Variants in SYNJ1 observed in about 807,000 individuals in gnomAD.
SYNJ1 encodes polyphosphatidylinositol phosphatase SYNJ1.
Under a neutral mutation model 168.2 loss-of-function variants are expected in SYNJ1, and 78 were observed. The observed-to-expected ratio is 0.46, with a 90% CI of 0.39 to 0.56. SYNJ1 has a LOEUF of 0.56. SYNJ1 is among the 20% of genes least tolerant of loss of function. The pLI, the probability that SYNJ1 is intolerant of heterozygous loss-of-function variation, is 0.00. For missense variants in SYNJ1, 1,303 were observed against 1,597.6 expected (o/e 0.82, Z 3.14); for synonymous variants, 539 against 548.6 (o/e 0.98, Z 0.24).
chr21:32,634,811 T>C, intron 32 of SYNJ1, 50 bp downstream of exon 32: 2 of 1,592,982 alleles, frequency 1.3e-6, no homozygotes, highest in South Asian at 1.1e-5. Flanking sequence ...ATACATCTAA[T>C]GTGTTGAGAC....
chr21:32,658,500 C>T (rs1191528266), intron 18 of SYNJ1: 1 of 152,302 alleles, frequency 6.6e-6, no homozygotes, highest in Non-Finnish European at 1.5e-5. Flanking sequence ...TGACCTCATT[C>T]CTCCTGGACA....
At chr21:32,723,026 A>C (rs1024541995) in intron 2 of SYNJ1, among the ~76,000 whole-genome samples, 2 of 152,240 alleles carry the variant, frequency 1.3e-5, no homozygotes, top group African/African-American at 4.8e-5. Flanking sequence ...ATTATATCAG[A>C]ATATCCAGGG....
Position 32,639,731 on chromosome 21 carries a change from G to T in SYNJ1, c.3637C>A (p.Arg1213=). The change falls in exon 30 of 33, where the codon CGG becomes AGG. Residue 1213 remains arginine (R), a synonymous_variant. Coordinates refer to ENST00000674351, the MANE Select transcript of SYNJ1 (RefSeq NM_203446.3). ...GVISAPQSHA[R]ASAGRLTPES... ...GGAGTCAGTCTTCCAGCAGATGCCC[G>T]CGCGTGGCTCTGTGGGGCACTGATA... The T allele has an allele frequency of 6.2e-7, 1 of 1,614,096 alleles. No individual in the cohort carries two copies. The highest frequency in any genetic ancestry group is 8.5e-7 in the Non-Finnish European group (1 of 1,180,016).
At chr21:32,692,205 G>A (rs563128448) in intron 6 of SYNJ1, among the ~76,000 whole-genome samples, 1 of 152,182 alleles carries the variant, frequency 6.6e-6, no homozygotes, top group East Asian at 1.9e-4. Context: ...GGTCAGGACT[G>A]GCTGCTTCAT....
chr21:32,672,270 T>G (rs2041234454), intron 14 of SYNJ1, among the ~76,000 whole-genome samples: 1 of 151,886 alleles, frequency 6.6e-6, no homozygotes, highest in African/African-American at 2.4e-5. Flanking sequence ...AAAAAGGAAT[T>G]AAAGTTAATT....
intron 4 of SYNJ1, among the ~76,000 whole-genome samples, chr21:32,696,992 A>G (rs1242731270): frequency 3.3e-5 from 5 of 152,230 alleles, no homozygotes; most frequent in Non-Finnish European, 5.9e-5. Context: ...AGTATGTCCA[A>G]CCACCACAGC....
chr21:32,687,854 C>T (rs754912514), intron 7 of SYNJ1, among the ~76,000 whole-genome samples: 5 of 151,944 alleles, frequency 3.3e-5, no homozygotes, highest in Non-Finnish European at 5.9e-5. Flanking sequence ...TCCACATGGC[C>T]GACTGTGGGA....
chr21:32,721,126 G>A (rs1371560356), intron 2 of SYNJ1, among the ~76,000 whole-genome samples: 1 of 152,160 alleles, frequency 6.6e-6, no homozygotes, highest in Non-Finnish European at 1.5e-5. Flanking sequence ...CATCACACAA[G>A]CTGCTTAAAC....
chr21:32,645,880 A>C (rs2040044625), intron 24 of SYNJ1, 91 bp from the exon 25 acceptor site: 5 of 1,497,976 alleles, frequency 3.3e-6, no homozygotes, highest in Middle Eastern at 1.7e-4. Flanking sequence ...AATGTTCTAT[A>C]AAATGTGCAC....
At position 32,695,656 on chromosome 21, in the gene SYNJ1, TTTA is replaced by T. The variant is rs528494508; in HGVS notation, c.480-377_480-375del. Among the ~76,000 whole-genome samples the T allele has an allele frequency of 7.9e-4, 119 of 150,302 alleles. 1 individual carries two copies. In the South Asian group the frequency reaches 0.016, roughly 20 times the overall value. On this transcript the variant is annotated intron_variant, in intron 4 of 32. Transcript: ENST00000674351. ...AAATATTTATTTATTTATTTATTTA[TTTA>T]TTTATTTATTTATTTATTTTTGAGA...
At chr21:32,704,596 G>T (rs979764983) in intron 2 of SYNJ1, among the ~76,000 whole-genome samples, 1 of 152,176 alleles carries the variant, frequency 6.6e-6, no homozygotes, top group Admixed American at 6.5e-5. Flanking sequence ...TGACTAGGGT[G>T]AGGAGAGGAC....
upstream of SYNJ1, chr21:32,728,248 T>C: frequency 1.7e-6 from 1 of 577,796 alleles, no homozygotes; most frequent in South Asian, 2.1e-5. Context: ...AGGGAAGATC[T>C]GGCCTCCTTG....
chr21:32,708,740 T>C (rs1179476180), intron 2 of SYNJ1, among the ~76,000 whole-genome samples: 1 of 152,132 alleles, frequency 6.6e-6, no homozygotes, highest in Non-Finnish European at 1.5e-5. Flanking sequence ...CCATCTTTCA[T>C]TCATACCTTT....
At chr21:32,710,715 G>A (rs1374034126) in intron 2 of SYNJ1, among the ~76,000 whole-genome samples, 3 of 152,038 alleles carry the variant, frequency 2.0e-5, no homozygotes, top group Non-Finnish European at 4.4e-5. Context: ...AAACTTCAAA[G>A]GGACTTGTAA....
rs142037811 is a variant in SYNJ1, at chr21:32,688,912, T to C, written c.790-545A>G. ...GTTGAATATTCTATTCACACCAAAG[T>C]TCCACCAAATTGAGAATATCATTCC... is the stretch of plus-strand genomic sequence containing the variant. On this transcript the variant is annotated intron_variant, in intron 6 of 32. Transcript: ENST00000674351. Among the ~76,000 whole-genome samples the C allele has an allele frequency of 1.2e-3, 190 of 152,352 alleles. 1 individual carries two copies. The highest frequency in any genetic ancestry group is 0.01 in the Admixed American group (159 of 15,308).
chr21:32,642,730 T>C (rs1238051165), intron 27 of SYNJ1, among the ~76,000 whole-genome samples: 1 of 152,222 alleles, frequency 6.6e-6, no homozygotes. Context: ...GTTAAAAATA[T>C]GTTCAAACTC....
intron 2 of SYNJ1, among the ~76,000 whole-genome samples, chr21:32,721,096 C>G (rs1290130802): frequency 6.6e-6 from 1 of 152,324 alleles, no homozygotes; most frequent in East Asian, 1.9e-4. Context: ...AAAATATGTA[C>G]CTGTTTATAA....
intron 6 of SYNJ1, among the ~76,000 whole-genome samples, chr21:32,692,173 G>GT (rs993428595): frequency 6.6e-6 from 1 of 152,174 alleles, no homozygotes; most frequent in African/African-American, 2.4e-5. Flanking sequence ...GAGACTAATG[G>GT]TAACAGGGCT....
Position 32,639,062 on chromosome 21 carries a change from G to T in SYNJ1, c.3761C>A (p.Pro1254His). The change falls in exon 31 of 33, where the codon CCC becomes CAC. Residue 1254 changes from proline (P) to histidine (H), a missense_variant. This residue lies in a region of SYNJ1 where 383 missense variants were observed against 388.8 expected (regional missense o/e 0.99). Coordinates refer to ENST00000674351, the MANE Select transcript of SYNJ1 (RefSeq NM_203446.3). ...QAAFPPQSSL[P>H]PPAQRLQEPL... ...CTCTTGCAACCTTTGAGCAGGCGGG[G>T]GCAAAGAAGACTGCGGAGGAAAAGC... 6.2e-7 allele frequency: 1 copy of T among 1,614,050 alleles called. No individual in the cohort carries two copies. Among genetic ancestry groups the T allele is most frequent in the Non-Finnish European group, 8.5e-7 (1 of 1,179,982 alleles).
Sources: gnomAD v4.1 joint callset for allele counts (sites outside exome capture counted in the v4.1 genomes callset) on GRCh38, gnomAD v4.1.1 for gene constraint, gnomAD v4.1.1 regional missense constraint, MANE v1.5 for transcripts, NCBI Gene and HGNC (gene_info 2026-07-23, HGNC 2026-07-21) for gene names.